Variants in CABLES2 observed in about 807,000 individuals in gnomAD.
CABLES2 encodes the protein CDK5 and ABL1 enzyme substrate 2.
A neutral mutation model predicts 44.8 loss-of-function variants in CABLES2; 35 were observed. The ratio of observed to expected loss-of-function variants is 0.78; its 90% CI spans 0.60 to 1.04. The LOEUF is 1.04. Among genes scored for constraint, CABLES2 ranks in the 50% least tolerant of loss-of-function variants. The probability of loss-of-function intolerance (pLI) is 0.00; values close to 1 mark genes in which losing one functional copy is unlikely to be tolerated. For synonymous variants in CABLES2, 282 were observed against 281.1 expected, an observed-to-expected ratio of 1.00 and a Z score of -0.03; for missense variants, 566 against 615.7, an observed-to-expected ratio of 0.92 and a Z score of 0.85.
At chr20:62,399,158 C>T (rs1988141063) in intron 1 of CABLES2, among the ~76,000 whole-genome samples, 1 of 152,210 alleles carries the variant, frequency 6.6e-6, no homozygotes, top group Non-Finnish European at 1.5e-5. Context: ...CCATATTGGC[C>T]AGTCTGGTCT....
At position 62,396,899 on chromosome 20, in the gene CABLES2, G is replaced by C. The variant is rs925519851; in HGVS notation, c.363-307C>G. Among the ~76,000 whole-genome samples the C allele has an allele frequency of 1.3e-5, 2 of 152,138 alleles. No homozygotes were observed. Among genetic ancestry groups the C allele is most frequent in the African/African-American group, 4.8e-5 (2 of 41,438 alleles). On this transcript the variant is annotated intron_variant, in intron 1 of 9. Transcript: ENST00000279101. This position sits in a 1 kb window ranked among gnomAD's most constrained non-coding sequence, Gnocchi z 5.7. The stretch of plus-strand genomic sequence containing the variant: ...CACGCCAACCTGCCCTGCCCACCGA[G>C]GGTCGCTCGGCCCCAAGCAACACCC...
rs752828468 is a variant in CABLES2, at chr20:62,396,907, C to T, written c.363-315G>A. On this transcript the variant is annotated intron_variant, in intron 1 of 9. Transcript: ENST00000279101. The surrounding 1 kb of genome is among the most constrained non-coding windows in gnomAD (Gnocchi z 5.7). The stretch of plus-strand genomic sequence containing the variant: ...CCTGCCCTGCCCACCGAGGGTCGCT[C>T]GGCCCCAAGCAACACCCTGCTGGGG... 3.3e-5 allele frequency among the ~76,000 whole-genome samples: 5 copies of T among 152,172 alleles called. No homozygotes were observed. The highest frequency in any genetic ancestry group is 5.9e-5 in the Non-Finnish European group (4 of 68,020).
rs1988116054 is a variant in CABLES2 at position 62,398,256 on chromosome 20, TGGTG to T, written c.363-1668_363-1665del. On this transcript the variant is annotated intron_variant, in intron 1 of 9. Transcript: ENST00000279101. The stretch of plus-strand genomic sequence containing the variant: ...ACGGTGGTGATGATGGTGATGGTGG[TGGTG>T]ATGGTGATGGCGGTGGTGGTGGTGG... Among the ~76,000 whole-genome samples the T allele has an allele frequency of 6.7e-5, 9 of 133,874 alleles. No individual in the cohort carries two copies. The East Asian group carries it at 1.4e-3, about 22-fold the overall frequency. The allele number at this position is 133,874 out of a possible 152,430, so 87.8% of individuals were successfully genotyped here. A position where few individuals can be genotyped will look rare whatever the true frequency, so the allele number is the denominator to read the frequency against.
At chr20:62,397,961 G>GATGATGGTGATGGTT (rs1988060171) in intron 1 of CABLES2, among the ~76,000 whole-genome samples, 1 of 127,640 alleles carries the variant, frequency 7.8e-6, no homozygotes, top group Admixed American at 7.8e-5. Context: ...TAGTGGTGGT[G>GATGATGGTGATGGTT]ATGGTGGTGA....
intron 1 of CABLES2, among the ~76,000 whole-genome samples, chr20:62,398,261 ATGGTGATGGCGG>A (rs1988116662): frequency 1.6e-5 from 1 of 63,172 alleles, no homozygotes; most frequent in Non-Finnish European, 3.1e-5. Flanking sequence ...GGTGGTGGTG[ATGGTGATGGCGG>A]TGGTGGTGGT....
rs1987919216 is a variant in CABLES2 at position 62,391,531 on chromosome 20, G to A, written c.1092-78C>T. Reference sequence around the variant, plus strand: ...AGGCAGCCCCCTGCCACCACCAACCGAGGCTGGAGCGATGTAGCTTTGGGC... The same window carrying A: ...AGGCAGCCCCCTGCCACCACCAACCAAGGCTGGAGCGATGTAGCTTTGGGC... On this transcript the variant is annotated intron_variant, in intron 8 of 9. Transcript: ENST00000279101. The surrounding 1 kb of genome is among the most constrained non-coding windows in gnomAD (Gnocchi z 5.7). 5 of 1,456,590 alleles carry A rather than the reference G, an allele frequency of 3.4e-6. No individual in the cohort carries two copies. Among genetic ancestry groups the A allele is most frequent in the South Asian group, 1.2e-5 (1 of 86,082 alleles). 90.2% of individuals were successfully genotyped at this position (1,456,590 alleles called of 1,614,324 possible).
At position 62,396,308 on chromosome 20, in the gene CABLES2, T is replaced by G; in HGVS notation, c.527+7A>C. On this transcript the variant is annotated splice_region_variant and intron_variant, in intron 3 of 9. Transcript: ENST00000279101. This position sits in a 1 kb window ranked among gnomAD's most constrained non-coding sequence, Gnocchi z 5.7. The stretch of plus-strand genomic sequence containing the variant: ...GCCCTGGCCCGGTTCCCGGCTCCGC[T>G]TCATACCTGCTGTTCCTGGTGTCGT... 6.2e-7 allele frequency: 1 copy of G among 1,613,072 alleles called. No homozygotes were observed. Among genetic ancestry groups the G allele is most frequent in the Non-Finnish European group, 8.5e-7 (1 of 1,179,330 alleles).
intron 4 of CABLES2, 129 bp from the exon 5 acceptor site, chr20:62,394,394 G>A: frequency 2.8e-6 from 2 of 704,578 alleles, no homozygotes; most frequent in South Asian, 1.7e-5. Flanking sequence ...GGAAAGAAAG[G>A]CGGCACTGGT....
At chr20:62,395,908 C>G (rs1389907366) in intron 3 of CABLES2, among the ~76,000 whole-genome samples, 2 of 152,230 alleles carry the variant, frequency 1.3e-5, no homozygotes, top group Non-Finnish European at 2.9e-5. Context: ...CCAGCTGCGG[C>G]CCTCCGCCAG....
chr20:62,398,693 GC>G (rs1199953500), intron 1 of CABLES2, among the ~76,000 whole-genome samples: 1 of 152,198 alleles, frequency 6.6e-6, no homozygotes, highest in Admixed American at 6.5e-5. Flanking sequence ...CCATGCCCTT[GC>G]CAGGAGCCTC....
Position 62,398,783 on chromosome 20 carries a change from C to T in CABLES2, c.363-2191G>A, listed in dbSNP as rs548920047. Among the ~76,000 whole-genome samples, 324 of 152,274 alleles carry T rather than the reference C, an allele frequency of 2.1e-3. 1 individual carries two copies. The highest frequency in any genetic ancestry group is 3.5e-3 in the Admixed American group (53 of 15,300). On this transcript the variant is annotated intron_variant, in intron 1 of 9. Coordinates refer to ENST00000279101, the MANE Select transcript of CABLES2 (RefSeq NM_031215.3). The stretch of plus-strand genomic sequence containing the variant: ...CCATGGTGGGTGCCACCTGTGCCAG[C>T]GAGAGTGCCACAGCCACCACCTCAC...
chr20:62,398,088 ACGGTGGTGGTGGTGGTGATGGTGG>A (rs1809954182), intron 1 of CABLES2, among the ~76,000 whole-genome samples: 2 of 52,160 alleles, frequency 3.8e-5, no homozygotes, highest in Non-Finnish European at 8.0e-5. Context: ...GGTGGTGGTG[ACGGTGGTGGTGGTGGTGATGGTGG>A]TGGTGGTGGT....
chr20:62,393,701 A>G, intron 5 of CABLES2, 96 bp from the exon 6 acceptor site: 1 of 1,336,402 alleles, frequency 7.5e-7, no homozygotes, highest in Admixed American at 2.4e-5. Flanking sequence ...ACATGCCAGG[A>G]GCCCTGCATG....
At chr20:62,398,957 CT>C (rs1368773736) in intron 1 of CABLES2, among the ~76,000 whole-genome samples, 4 of 152,114 alleles carry the variant, frequency 2.6e-5, no homozygotes, top group Non-Finnish European at 5.9e-5. Flanking sequence ...TCATTTTTTT[CT>C]TTTTTTGAGA....
In CABLES2 at chr20:62,391,100, T is replaced by A; in HGVS notation, c.1308A>T (p.Glu436Asp). Residue 436 changes from glutamate to aspartate, a missense_variant, in exon 10 of 10, where the codon GAA (glutamate) becomes GAT (aspartate). Physicochemically the swap from Glu to Asp is conservative, Grantham distance 45 (BLOSUM62 2). Transcript: ENST00000279101. This position sits in a 1 kb window ranked among gnomAD's most constrained non-coding sequence, Gnocchi z 5.7. Reference sequence around the variant, plus strand: ...GGTCGCGCCTGTTGAATCGAAACCTTTCTTCTAACTTCTGCAGGGGAGAAG... The same window carrying A: ...GGTCGCGCCTGTTGAATCGAAACCTATCTTCTAACTTCTGCAGGGGAGAAG... ...GVTQLIDKLE[E>D]RFRFNRRDLI... 1 of 1,614,014 alleles carries A rather than the reference T, an allele frequency of 6.2e-7. No homozygotes were observed. Among genetic ancestry groups the A allele is most frequent in the Non-Finnish European group, 8.5e-7 (1 of 1,179,998 alleles).
At chr20:62,400,773 C>T (rs554514292) in intron 1 of CABLES2, among the ~76,000 whole-genome samples, 4 of 152,220 alleles carry the variant, frequency 2.6e-5, no homozygotes, top group South Asian at 2.1e-4. Flanking sequence ...GGGAGGCTGA[C>T]GCTGCTGCCG....
At position 62,394,526 on chromosome 20, in the gene CABLES2, C is replaced by T. The variant is rs565320242; in HGVS notation, c.606-261G>A. ...GGTGGCGCCCACCTTCACTAGCCCA[C>T]TAGGTACATGTGCCCACGCCTGGTC... On this transcript the variant is annotated intron_variant, in intron 4 of 9. Transcript: ENST00000279101. 5.1e-4 allele frequency among the ~76,000 whole-genome samples: 77 copies of T among 152,332 alleles called. No individual in the cohort carries two copies. The South Asian group carries it at 0.016, about 32-fold the overall frequency.
intron 3 of CABLES2, 53 bp from the exon 4 acceptor site, chr20:62,395,067 A>G (rs2427311): frequency 0.31 from 422,055 of 1,350,614 alleles, 69,540 homozygotes; most frequent in African/African-American, 0.54. Context: ...GGCTCAAGGT[A>G]CTGCTGCTTC....
At chr20:62,398,069 GAC>G (rs1988079356) in intron 1 of CABLES2, among the ~76,000 whole-genome samples, 2 of 52,112 alleles carry the variant, frequency 3.8e-5, no homozygotes, top group African/African-American at 8.2e-5. Flanking sequence ...TGGTGGTGGT[GAC>G]GGTGGTGGTG....
Sources: gnomAD v4.1 joint callset for allele counts (sites outside exome capture counted in the v4.1 genomes callset) on GRCh38, gnomAD v4.1.1 for gene constraint, Gnocchi (gnomAD v3.1) non-coding constraint, MANE v1.5 for transcripts, NCBI Gene and HGNC (gene_info 2026-07-23, HGNC 2026-07-21) for gene names.